Variants in DNASE1L3 observed in about 807,000 individuals in gnomAD.
The protein encoded by DNASE1L3 is deoxyribonuclease 1L3, also known as deoxyribonuclease gamma.
DNASE1L3 carries 27 observed loss-of-function variants against 30.9 expected under a neutral mutation model. The observed-to-expected ratio is 0.87, with a 90% CI of 0.64 to 1.20. The LOEUF (loss-of-function observed/expected upper bound fraction) is 1.20, where lower values mean the gene tolerates loss of function less well. Ranked by LOEUF, DNASE1L3 falls within the 50% of genes most tolerant of loss-of-function variation. The probability of loss-of-function intolerance (pLI) is 0.00; values close to 1 mark genes in which losing one functional copy is unlikely to be tolerated. For missense variants in DNASE1L3, 364 were observed against 378.2 expected (o/e 0.96, Z 0.31); for synonymous variants, 135 against 138.0 (o/e 0.98, Z 0.15).
At chr3:58,199,259 T>A (rs936800868) in intron 5 of DNASE1L3, among the ~76,000 whole-genome samples, 3 of 152,350 alleles carry the variant, frequency 2.0e-5, no homozygotes, top group Non-Finnish European at 4.4e-5. Flanking sequence ...AATTTACACC[T>A]GGCAGCAATA....
rs6788206 is a variant in DNASE1L3, at chr3:58,200,404, A to G, written c.546+593T>C. ...GCTGTCCTGCCATCCCAGGGATGGA[A>G]CCAACCTGAGAATGGAGCCACACAG... On this transcript the variant is annotated intron_variant, in intron 5 of 7. Transcript: ENST00000394549. This position sits in a 1 kb window ranked among gnomAD's most constrained non-coding sequence, Gnocchi z 4.2. Among the ~76,000 whole-genome samples the G allele has an allele frequency of 0.76, 115,218 of 152,114 alleles. 44,439 individuals are homozygous for G. Among genetic ancestry groups the G allele is most frequent in the East Asian group, 1 (5,160 of 5,172 alleles).
At position 58,192,458 on chromosome 3, in the gene DNASE1L3, T is replaced by C; in HGVS notation, c.*229A>G. ...GGCTCAGGGCATGAAGATCATCATTTTGGTCTACAAATGCCCCTGGTTCCC... is the reference window on the plus strand; with the variant it reads ...GGCTCAGGGCATGAAGATCATCATTCTGGTCTACAAATGCCCCTGGTTCCC... On this transcript the variant is annotated 3_prime_UTR_variant, in exon 8 of 8. Coordinates refer to ENST00000394549, the MANE Select transcript of DNASE1L3 (RefSeq NM_004944.4). The surrounding 1 kb of genome is among the most constrained non-coding windows in gnomAD (Gnocchi z 4.8). 2.7e-6 allele frequency: 1 copy of C among 372,646 alleles called. No homozygotes were observed. Among genetic ancestry groups the C allele is most frequent in the South Asian group, 3.8e-5 (1 of 26,542 alleles). 23.1% of individuals were successfully genotyped at this position (372,646 alleles called of 1,614,324 possible).
At chr3:58,207,862 G>C (rs549291385) in intron 2 of DNASE1L3, 1 of 200,000 alleles carries the variant, frequency 5.0e-6, no homozygotes, top group East Asian at 1.1e-4. Context: ...TAATATTCCT[G>C]TGTGTGAGCA....
chr3:58,205,544 T>C lies in DNASE1L3; in HGVS notation c.247A>G (p.Ile83Val). The C allele has an allele frequency of 6.2e-7, 1 of 1,613,872 alleles. No homozygotes were observed. Among genetic ancestry groups the C allele is most frequent in the Non-Finnish European group, 8.5e-7 (1 of 1,179,706 alleles). The change falls in exon 3 of 8, where the codon ATA becomes GTA. Residue 83 changes from isoleucine to valine, a missense_variant. Physicochemically the swap from Ile to Val is conservative, Grantham distance 29 (BLOSUM62 3). Transcript: ENST00000394549. The stretch of plus-strand genomic sequence containing the variant: ...GAGCTAATCACATAGTTGTACGTTA[T>C]GCCTCTCCTTGAATTTCTAGAAAAC... ...EKLNRNSRRG[I>V]TYNYVISSRL...
Position 58,204,871 on chromosome 3 carries a change from C to T in DNASE1L3, c.331G>A (p.Val111Met). Residue 111 changes from valine (V) to methionine (M), a missense_variant, in exon 4 of 8, where the codon GTG becomes ATG. Physicochemically the swap from Val to Met is conservative, Grantham distance 21. Transcript: ENST00000394549. ...TAGTGATAACTCCTCTTCACAGACA[C>T]CAGCTTTTCCCTATAAGAAGGAAAA... ...QYAFLYKEKL[V>M]SVKRSYHYHD... The T allele has an allele frequency of 1.9e-6, 3 of 1,614,082 alleles. No individual in the cohort carries two copies. The highest frequency in any genetic ancestry group is 2.5e-6 in the Non-Finnish European group (3 of 1,179,992).
rs568426798 is a variant in DNASE1L3, at chr3:58,200,140, G to A, written c.546+857C>T. 6.6e-6 allele frequency among the ~76,000 whole-genome samples: 1 copy of A among 152,292 alleles called. No homozygotes were observed. The highest frequency in any genetic ancestry group is 6.5e-5 in the Admixed American group (1 of 15,292). On this transcript the variant is annotated intron_variant, in intron 5 of 7. Transcript: ENST00000394549. This position sits in a 1 kb window ranked among gnomAD's most constrained non-coding sequence, Gnocchi z 4.2. ...GGATGGCAAATATGTGCCCCCTTCT[G>A]TGAAAACAGCACCCCAAGTTCCTTT...
chr3:58,203,426 C>T (rs1261883048), intron 4 of DNASE1L3, among the ~76,000 whole-genome samples: 1 of 152,184 alleles, frequency 6.6e-6, no homozygotes, highest in African/African-American at 2.4e-5. Flanking sequence ...TGTCCAGTGC[C>T]CTCAACAGAG....
intron 4 of DNASE1L3, among the ~76,000 whole-genome samples, chr3:58,203,949 C>T (rs1448134033): frequency 1.3e-5 from 2 of 152,118 alleles, no homozygotes; most frequent in Non-Finnish European, 2.9e-5. Context: ...CTACTCCCTA[C>T]CTTGTAGTCA....
rs192674951 is a variant in DNASE1L3 at position 58,205,126 on chromosome 3, A to C, written c.321-245T>G. The stretch of plus-strand genomic sequence containing the variant: ...CACCCAAAAGTTAATGTTCAGACTT[A>C]AGAAATTACTAGCAGGAAGAGGAAA... On this transcript the variant is annotated intron_variant, in intron 3 of 7. Coordinates refer to ENST00000394549, the MANE Select transcript of DNASE1L3 (RefSeq NM_004944.4). 5.8e-3 allele frequency among the ~76,000 whole-genome samples: 878 copies of C among 152,326 alleles called. 8 individuals carry two copies. The highest frequency in any genetic ancestry group is 8.0e-3 in the Non-Finnish European group (547 of 68,016).
rs2097407397 is a variant in DNASE1L3 at position 58,210,930 on chromosome 3, A to G, written c.-24T>C. The G allele has an allele frequency of 1.2e-6, 2 of 1,612,238 alleles. No individual in the cohort carries two copies. The highest frequency in any genetic ancestry group is 1.7e-6 in the Non-Finnish European group (2 of 1,179,522). On this transcript the variant is annotated 5_prime_UTR_variant, in exon 1 of 8. Transcript: ENST00000394549. ...ATCCTGGCGCTGCTCTGGCTTCAAG[A>G]CTCTGTGAGAAGACAGCAGTGCTTG...
At chr3:58,205,428 A>G in intron 3 of DNASE1L3, 43 bp downstream of exon 3, 1 of 1,540,170 alleles carries the variant, frequency 6.5e-7, no homozygotes. Context: ...TCAATTCACG[A>G]TTTATTGGTG....
chr3:58,208,875 A>G (rs2097405744), intron 1 of DNASE1L3, among the ~76,000 whole-genome samples: 1 of 152,210 alleles, frequency 6.6e-6, no homozygotes, highest in Non-Finnish European at 1.5e-5. Flanking sequence ...TCATACAGCC[A>G]GGATAGGTGG....
At chr3:58,193,157 A>G (rs1575494348) in intron 7 of DNASE1L3, 186 bp downstream of exon 7, 2 of 1,431,940 alleles carry the variant, frequency 1.4e-6, no homozygotes, top group Non-Finnish European at 1.8e-6. Context: ...GCTCACTGCA[A>G]CCTCCGCTTC....
At chr3:58,210,686 C>T (rs1238886171) in intron 1 of DNASE1L3, 80 bp downstream of exon 1, 3 of 1,595,520 alleles carry the variant, frequency 1.9e-6, no homozygotes, top group Non-Finnish European at 2.6e-6. Context: ...ACTTTAAGTT[C>T]CTTGAGTCTC....
rs932655333 is a variant in DNASE1L3 at position 58,210,666 on chromosome 3, C to G, written c.141+100G>C. ...TTCCAAGCCAGCTTCTACATTCCCC[C>G]TAAGGGCCAACTTTAAGTTCCTTGA... On this transcript the variant is annotated intron_variant, in intron 1 of 7. Coordinates refer to ENST00000394549, the MANE Select transcript of DNASE1L3 (RefSeq NM_004944.4). 149 of 1,569,948 alleles carry G rather than the reference C, an allele frequency of 9.5e-5. No individual in the cohort carries two copies. In the East Asian group the frequency reaches 3.3e-3, roughly 35 times the overall value.
At chr3:58,195,393 G>A (rs1190756701) in intron 6 of DNASE1L3, among the ~76,000 whole-genome samples, 1 of 151,964 alleles carries the variant, frequency 6.6e-6, no homozygotes, top group African/African-American at 2.4e-5. Context: ...GAACTCCTGG[G>A]CTCAAGTGAT....
chr3:58,210,432 T>A (rs576888465), intron 1 of DNASE1L3, among the ~76,000 whole-genome samples: 2 of 152,334 alleles, frequency 1.3e-5, no homozygotes, highest in South Asian at 2.1e-4. Context: ...AACCATGTGC[T>A]TATAGTGCCT....
intron 6 of DNASE1L3, among the ~76,000 whole-genome samples, chr3:58,195,613 CAAAAAAAA>C (rs34773952): frequency 3.1e-4 from 12 of 38,442 alleles, no homozygotes; most frequent in African/African-American, 6.1e-4. Context: ...ACTAAAATTA[CAAAAAAAA>C]AAAAAAAAAA....
intron 4 of DNASE1L3, 51 bp from the exon 5 acceptor site, chr3:58,201,160 C>T (rs1400501446): frequency 2.0e-6 from 3 of 1,472,576 alleles, no homozygotes; most frequent in Non-Finnish European, 2.8e-6. Flanking sequence ...GTCAAGGTCT[C>T]ATAAACACTG....
Sources: gnomAD v4.1 joint callset for allele counts (sites outside exome capture counted in the v4.1 genomes callset) on GRCh38, gnomAD v4.1.1 for gene constraint, Gnocchi (gnomAD v3.1) non-coding constraint, MANE v1.5 for transcripts, NCBI Gene and HGNC (gene_info 2026-07-23, HGNC 2026-07-21) for gene names.